Variants in UBE2E2 observed in about 807,000 individuals in gnomAD.
The protein encoded by UBE2E2 is ubiquitin conjugating enzyme E2 E2.
A neutral mutation model predicts 24.7 loss-of-function variants in UBE2E2; 6 were observed. The observed-to-expected ratio is 0.24, with a 90% confidence interval of 0.13 to 0.48. UBE2E2 has a LOEUF of 0.48. Ranked by LOEUF, UBE2E2 falls within the 20% of genes least tolerant of loss-of-function variation. The pLI, the probability that UBE2E2 is intolerant of heterozygous loss-of-function variation, is 0.99. For synonymous variants in UBE2E2, 104 were observed against 83.6 expected (o/e 1.24, Z -1.33); for missense variants, 169 against 245.0 (o/e 0.69, Z 2.07).
chr3:23,214,528 G>C (rs1696421298), intron 2 of UBE2E2, among the ~76,000 whole-genome samples: 1 of 151,566 alleles, frequency 6.6e-6, no homozygotes, highest in Admixed American at 6.6e-5. Context: ...AGGGATTACA[G>C]CCATAGCCAC....
At chr3:23,531,991 G>C (rs1695133039) in intron 4 of UBE2E2, among the ~76,000 whole-genome samples, 1 of 151,634 alleles carries the variant, frequency 6.6e-6, no homozygotes, top group African/African-American at 2.4e-5. Context: ...GAACCCGGGA[G>C]GTGGAGGTTG....
intron 3 of UBE2E2, among the ~76,000 whole-genome samples, chr3:23,236,664 ATTC>A (rs915857725): frequency 6.6e-5 from 10 of 152,072 alleles, no homozygotes; most frequent in Admixed American, 4.6e-4. Flanking sequence ...GTCGACATAT[ATTC>A]TTCTTCATTT....
intron 3 of UBE2E2, among the ~76,000 whole-genome samples, chr3:23,301,934 C>T (rs1177426903): frequency 1.4e-5 from 2 of 142,960 alleles, no homozygotes; most frequent in Non-Finnish European, 2.9e-5. Flanking sequence ...CTTAATTAAT[C>T]TTTCTTCCCA....
chr3:23,254,629 A>C (rs980921339), intron 3 of UBE2E2, among the ~76,000 whole-genome samples: 19 of 152,196 alleles, frequency 1.2e-4, no homozygotes, highest in African/African-American at 4.6e-4. Context: ...CAAAATTCTC[A>C]TTCAAGATAT....
chr3:23,451,969 G>A (rs560895982), intron 3 of UBE2E2, among the ~76,000 whole-genome samples: 174 of 152,236 alleles, frequency 1.1e-3, no homozygotes, highest in African/African-American at 4.0e-3. Flanking sequence ...ACCTGTTAAT[G>A]TTATTCTTAC....
chr3:23,393,365 T>C (rs1347233103), intron 3 of UBE2E2, among the ~76,000 whole-genome samples: 2 of 152,162 alleles, frequency 1.3e-5, no homozygotes, highest in African/African-American at 4.8e-5. Flanking sequence ...ATGCTCAGGA[T>C]ATATGAGAGT....
chr3:23,551,551 T>C (rs1338849997), intron 5 of UBE2E2, among the ~76,000 whole-genome samples: 3 of 152,192 alleles, frequency 2.0e-5, no homozygotes, highest in African/African-American at 7.2e-5. Context: ...CCATTTACAA[T>C]CTAAAGAAAT....
intron 3 of UBE2E2, among the ~76,000 whole-genome samples, chr3:23,281,834 A>C (rs1240193882): frequency 1.3e-5 from 2 of 152,208 alleles, no homozygotes; most frequent in Non-Finnish European, 1.5e-5. Context: ...AGTTTGAATT[A>C]TTGTTATTGA....
At position 23,407,445 on chromosome 3, in the gene UBE2E2, T is replaced by A. The variant is rs549000217; in HGVS notation, c.228-92163T>A. 6.6e-6 allele frequency among the ~76,000 whole-genome samples: 1 copy of A among 152,156 alleles called. No homozygotes were observed. Among genetic ancestry groups the A allele is most frequent in the South Asian group, 2.1e-4 (1 of 4,826 alleles). On this transcript the variant is annotated intron_variant, in intron 3 of 5. Coordinates refer to ENST00000396703, the MANE Select transcript of UBE2E2 (RefSeq NM_152653.4). This position sits in a 1 kb window ranked among gnomAD's most constrained non-coding sequence, Gnocchi z 4.0. The stretch of plus-strand genomic sequence containing the variant: ...TTGGAGGGTTTTTTCTGAAATATTT[T>A]AAACTTTTAATTCTGAAAATGTTCA...
chr3:23,437,162 G>T (rs777007266), intron 3 of UBE2E2, among the ~76,000 whole-genome samples: 9 of 152,050 alleles, frequency 5.9e-5, no homozygotes, highest in Non-Finnish European at 1.2e-4. Flanking sequence ...TCCCACACAC[G>T]CCAGGTTTTT....
At chr3:23,220,998 G>A (rs1166920121) in intron 3 of UBE2E2, among the ~76,000 whole-genome samples, 2 of 152,180 alleles carry the variant, frequency 1.3e-5, no homozygotes, top group Non-Finnish European at 2.9e-5. Context: ...TTGCTCCTCT[G>A]TATCACAGAG....
At chr3:23,397,586 G>C (rs1055437751) in intron 3 of UBE2E2, among the ~76,000 whole-genome samples, 6 of 151,918 alleles carry the variant, frequency 3.9e-5, no homozygotes, top group Non-Finnish European at 7.4e-5. Flanking sequence ...ATCACTTCCT[G>C]GATTTTCTTT....
Position 23,545,498 on chromosome 3 carries a change from G to C in UBE2E2, c.508+12797G>C, listed in dbSNP as rs186855527. Among the ~76,000 whole-genome samples the C allele has an allele frequency of 2.6e-5, 4 of 152,224 alleles. No individual in the cohort carries two copies. In the East Asian group the frequency reaches 7.7e-4, roughly 29 times the overall value. On this transcript the variant is annotated intron_variant, in intron 5 of 5. Transcript: ENST00000396703. ...ACATGTTTCAGAGAGCATGGGGTTG[G>C]GGGTAAGATCATAGATTAACAGAAT...
At chr3:23,270,817 A>T (rs1282997278) in intron 3 of UBE2E2, 2 of 409,058 alleles carry the variant, frequency 4.9e-6, no homozygotes, top group Admixed American at 5.6e-5. Context: ...CATTTAACAC[A>T]CTCTCTTAGG....
At chr3:23,535,680 A>T (rs886611555) in intron 5 of UBE2E2, among the ~76,000 whole-genome samples, 6 of 142,854 alleles carry the variant, frequency 4.2e-5, no homozygotes, top group Non-Finnish European at 9.0e-5. Flanking sequence ...CTGGATTGCA[A>T]TGGCACGATC....
At chr3:23,234,641 T>C (rs918878214) in intron 3 of UBE2E2, among the ~76,000 whole-genome samples, 1 of 152,168 alleles carries the variant, frequency 6.6e-6, no homozygotes, top group Non-Finnish European at 1.5e-5. Flanking sequence ...CTCCATAGTC[T>C]TTTGGAGGCT....
intron 4 of UBE2E2, among the ~76,000 whole-genome samples, chr3:23,509,520 A>G (rs1273300599): frequency 6.6e-6 from 1 of 152,100 alleles, no homozygotes; most frequent in Non-Finnish European, 1.5e-5. Context: ...TGCCTGCCAA[A>G]TATCAATCCC....
At chr3:23,555,722 C>G (rs1397660309) in intron 5 of UBE2E2, among the ~76,000 whole-genome samples, 1 of 152,150 alleles carries the variant, frequency 6.6e-6, no homozygotes, top group Non-Finnish European at 1.5e-5. Flanking sequence ...AAAGGAGATC[C>G]TGCCATTTAC....
intron 3 of UBE2E2, among the ~76,000 whole-genome samples, chr3:23,258,481 A>G (rs1459775483): frequency 6.6e-6 from 1 of 152,162 alleles, no homozygotes; most frequent in East Asian, 1.9e-4. Context: ...GATTTTAAGT[A>G]GTTTGCCTTT....
Sources: gnomAD v4.1 joint callset for allele counts (sites outside exome capture counted in the v4.1 genomes callset) on GRCh38, gnomAD v4.1.1 for gene constraint, Gnocchi (gnomAD v3.1) non-coding constraint, MANE v1.5 for transcripts, NCBI Gene and HGNC (gene_info 2026-07-23, HGNC 2026-07-21) for gene names.